ATAD2B: variants seen among roughly 807,000 people sequenced by gnomAD.
The protein encoded by ATAD2B is ATPase family AAA domain containing 2B.
ATAD2B carries 40 observed loss-of-function variants against 167.6 expected under a neutral mutation model. That is an observed-to-expected ratio of 0.24 (90% CI 0.19 to 0.31). The LOEUF (loss-of-function observed/expected upper bound fraction) is 0.31, where lower values mean the gene tolerates loss of function less well. ATAD2B is among the 10% of genes least tolerant of loss of function. The pLI is 1.00. For missense variants in ATAD2B, 1,242 were observed against 1,757.2 expected (o/e 0.71, Z 5.24); for synonymous variants, 579 against 596.5 (o/e 0.97, Z 0.43).
chr2:23,706,526 C>T, the ATAD2B span: 11 of 1,535,904 alleles, frequency 7.2e-6, no homozygotes, highest in South Asian at 1.2e-4. Flanking sequence ...GAGGTATTGT[C>T]AGCAGTGAAG....
intron 13 of ATAD2B, among the ~76,000 whole-genome samples, chr2:23,844,855 T>C (rs1264100112): frequency 6.6e-6 from 1 of 151,536 alleles, no homozygotes; most frequent in Non-Finnish European, 1.5e-5. Flanking sequence ...TTTTACAAGT[T>C]TGATGAAAAA....
chr2:23,818,110 C>T lies in ATAD2B; in HGVS notation c.2267+1637G>A, dbSNP rs1164819454. On this transcript the variant is annotated intron_variant, in intron 17 of 27. Transcript: ENST00000238789. ...CACACACACATTACACACACACACA[C>T]ACACACACACATTACACACACACAC... Among the ~76,000 whole-genome samples the T allele has an allele frequency of 1.3e-4, 17 of 129,064 alleles. 1 individual carries two copies. Among genetic ancestry groups the T allele is most frequent in the African/African-American group, 5.0e-4 (17 of 33,940 alleles). The allele number at this position is 129,064 out of a possible 152,430, so 84.7% of individuals were successfully genotyped here.
At chr2:23,857,095 A>C (rs941934920) in intron 13 of ATAD2B, among the ~76,000 whole-genome samples, 3 of 152,198 alleles carry the variant, frequency 2.0e-5, no homozygotes, top group Non-Finnish European at 4.4e-5. Context: ...AAATGTTTTA[A>C]ACTTTGCAAC....
chr2:23,748,644 A>G (rs1675051799), downstream of ATAD2B: 1 of 152,194 alleles, frequency 6.6e-6, no homozygotes, highest in Non-Finnish European at 1.5e-5. Flanking sequence ...CAGTGATCAT[A>G]ATTAAGCTAA....
Position 23,872,635 on chromosome 2 carries a change from C to G in ATAD2B, c.978-2874G>C. 5 of 1,347,850 alleles carry G rather than the reference C, an allele frequency of 3.7e-6. No homozygotes were observed. The South Asian group carries it at 5.8e-5, about 16-fold the overall frequency. The allele number at this position is 1,347,850 out of a possible 1,614,324, so 83.5% of individuals were successfully genotyped here. On this transcript the variant is annotated intron_variant, in intron 8 of 27. Transcript: ENST00000238789. ...TGTAGAAAGGATGGTCAGGCTCCATCGGAGGTGGTGGAACATCATAGGAGA... is the reference window on the plus strand; with the variant it reads ...TGTAGAAAGGATGGTCAGGCTCCATGGGAGGTGGTGGAACATCATAGGAGA...
In ATAD2B at chr2:23,756,004, T is replaced by C. The variant is rs573209041; in HGVS notation, c.4079-1230A>G. Reference sequence around the variant, plus strand: ...AACTTTTACACAACAATTATCTTTATAGTGTTTAGATCACCAACTGAACAC... The same window carrying C: ...AACTTTTACACAACAATTATCTTTACAGTGTTTAGATCACCAACTGAACAC... On this transcript the variant is annotated intron_variant, in intron 25 of 27. Transcript: ENST00000238789. Among the ~76,000 whole-genome samples, 4 of 152,282 alleles carry C rather than the reference T, an allele frequency of 2.6e-5. No individual in the cohort carries two copies. In the South Asian group the frequency reaches 8.3e-4, roughly 32 times the overall value.
chr2:23,796,018 G>A (rs929871110), intron 19 of ATAD2B, among the ~76,000 whole-genome samples: 2 of 151,946 alleles, frequency 1.3e-5, no homozygotes, highest in African/African-American at 4.8e-5. Flanking sequence ...AGGATCACTT[G>A]AGACCAGGAG....
At chr2:23,776,052 G>A (rs1336544296) in intron 22 of ATAD2B, among the ~76,000 whole-genome samples, 2 of 152,098 alleles carry the variant, frequency 1.3e-5, no homozygotes, top group African/African-American at 2.4e-5. Context: ...AGAGACGGAG[G>A]TTGCAGTGAG....
chr2:23,885,645 A>G, intron 5 of ATAD2B, 82 bp downstream of exon 5: 1 of 757,190 alleles, frequency 1.3e-6, no homozygotes, highest in Non-Finnish European at 2.1e-6. Context: ...ATTCAAAAAC[A>G]TCCAACTGTT....
At chr2:23,905,526 AAAAAG>A (rs1293925585) in intron 1 of ATAD2B, among the ~76,000 whole-genome samples, 1 of 152,162 alleles carries the variant, frequency 6.6e-6, no homozygotes, top group Non-Finnish European at 1.5e-5. Context: ...CCTGTTTCAA[AAAAAG>A]AAAAGAAAAG....
chr2:23,906,648 G>T (rs1335190215), intron 1 of ATAD2B, among the ~76,000 whole-genome samples: 1 of 151,982 alleles, frequency 6.6e-6, no homozygotes, highest in Non-Finnish European at 1.5e-5. Flanking sequence ...ACCAAAGCCA[G>T]GCAGAGACAC....
chr2:23,831,340 G>A (rs890655203), intron 14 of ATAD2B, among the ~76,000 whole-genome samples: 2 of 147,454 alleles, frequency 1.4e-5, no homozygotes, highest in African/African-American at 5.1e-5. Context: ...TATGCAAATA[G>A]TTAACAAAAT....
chr2:23,710,283 A>G, the ATAD2B span, among the ~76,000 whole-genome samples: 1 of 152,230 alleles, frequency 6.6e-6, no homozygotes, highest in Admixed American at 6.5e-5. Flanking sequence ...CAGACCTAAC[A>G]AAGAGGAAAC....
chr2:23,831,226 T>TACAC (rs1385935838), intron 14 of ATAD2B, among the ~76,000 whole-genome samples: 2 of 152,132 alleles, frequency 1.3e-5, no homozygotes. Context: ...AATCCACAAG[T>TACAC]ACACATACAA....
intron 18 of ATAD2B, among the ~76,000 whole-genome samples, chr2:23,802,819 T>A (rs1325375778): frequency 2.0e-5 from 3 of 152,072 alleles, no homozygotes; most frequent in Non-Finnish European, 4.4e-5. Flanking sequence ...TTCATGCTAT[T>A]CAACCAAAAA....
intron 13 of ATAD2B, among the ~76,000 whole-genome samples, chr2:23,849,262 A>G (rs1289528109): frequency 6.6e-6 from 1 of 152,230 alleles, no homozygotes; most frequent in Admixed American, 6.5e-5. Flanking sequence ...CAAAAAATAT[A>G]CCACACAAAC....
At chr2:23,724,056 G>A in the ATAD2B span, among the ~76,000 whole-genome samples, 260 of 152,150 alleles carry the variant, frequency 1.7e-3, no homozygotes, top group African/African-American at 6.0e-3. Context: ...TTGTATCTGC[G>A]GAAGTTAAAA....
intron 18 of ATAD2B, among the ~76,000 whole-genome samples, chr2:23,802,302 T>A (rs1226582991): frequency 6.6e-6 from 1 of 152,114 alleles, no homozygotes; most frequent in Non-Finnish European, 1.5e-5. Context: ...TGTGCATTGC[T>A]GGTGGCTTTA....
At chr2:23,732,498 G>A in the ATAD2B span, among the ~76,000 whole-genome samples, 1 of 152,170 alleles carries the variant, frequency 6.6e-6, no homozygotes, top group Non-Finnish European at 1.5e-5. Flanking sequence ...GTTATTTTCT[G>A]TACCTGAGTA....
Sources: gnomAD v4.1 joint callset for allele counts (sites outside exome capture counted in the v4.1 genomes callset) on GRCh38, gnomAD v4.1.1 for gene constraint, MANE v1.5 for transcripts, NCBI Gene and HGNC (gene_info 2026-07-23, HGNC 2026-07-21) for gene names.